The following FHIT variants were observed in gnomAD, a reference collection of about 807,000 sequenced individuals.
FHIT encodes the protein fragile histidine triad diadenosine triphosphatase.
A neutral mutation model predicts 17.9 loss-of-function variants in FHIT; 19 were observed. That is an observed-to-expected ratio of 1.06 (90% CI 0.74 to 1.56). The LOEUF is 1.56. FHIT is among the 40% of genes most tolerant of loss of function. FHIT has a pLI of 0.00. For synonymous variants in FHIT, 81 were observed against 69.7 expected (o/e 1.16, Z -0.81); for missense variants, 248 against 189.2 (o/e 1.31, Z -1.82).
intron 4 of FHIT, among the ~76,000 whole-genome samples, chr3:60,598,078 A>G (rs528295375): frequency 6.6e-6 from 1 of 152,262 alleles, no homozygotes; most frequent in South Asian, 2.1e-4. Context: ...AAGGTCTGGA[A>G]AGATGTATCA....
chr3:59,984,925 G>C (rs1708824782), intron 7 of FHIT, among the ~76,000 whole-genome samples: 1 of 151,958 alleles, frequency 6.6e-6, no homozygotes, highest in Non-Finnish European at 1.5e-5. Flanking sequence ...CAGCAGTATT[G>C]GGCTTCACCA....
chr3:60,257,951 A>C (rs1441757304), intron 5 of FHIT, among the ~76,000 whole-genome samples: 1 of 152,026 alleles, frequency 6.6e-6, no homozygotes, highest in Non-Finnish European at 1.5e-5. Context: ...TGCTGGGCTT[A>C]ATACCTGGGT....
intron 3 of FHIT, among the ~76,000 whole-genome samples, chr3:60,841,624 C>T (rs1407417070): frequency 6.6e-6 from 1 of 152,140 alleles, no homozygotes; most frequent in Admixed American, 6.5e-5. Context: ...GCTGGGCCAC[C>T]TCTGGCCTCT....
chr3:59,857,163 G>A (rs1405438192), intron 8 of FHIT, among the ~76,000 whole-genome samples: 1 of 152,142 alleles, frequency 6.6e-6, no homozygotes, highest in Non-Finnish European at 1.5e-5. Context: ...ACCTTTTCAG[G>A]GGAAGCAGTT....
rs148570786 is a variant in FHIT, at chr3:60,110,740, A to G, written c.104-96588T>C. 3.9e-3 allele frequency among the ~76,000 whole-genome samples: 587 copies of G among 152,352 alleles called. 2 individuals are homozygous for G. Among genetic ancestry groups the G allele is most frequent in the Admixed American group, 8.1e-3 (124 of 15,310 alleles). ...TTCAGTTATTCATTGATTTAATTCA[A>G]TTACCATTAAGGTTGAGACCTGGTC... On this transcript the variant is annotated intron_variant, in intron 5 of 9. Transcript: ENST00000492590.
In FHIT at chr3:60,761,843, A is replaced by T. The variant is rs184737078; in HGVS notation, c.-18+60076T>A. Among the ~76,000 whole-genome samples the T allele has an allele frequency of 4.8e-4, 58 of 122,016 alleles. 1 individual carries two copies. In the East Asian group the frequency reaches 0.012, roughly 25 times the overall value. 80.0% of individuals were successfully genotyped at this position (122,016 alleles called of 152,430 possible). Reference sequence around the variant, plus strand: ...TTACCAATGCCCGCCCCCTCCCCTCACACCTCATCCTTATTTTCATTTTTT... The same window carrying T: ...TTACCAATGCCCGCCCCCTCCCCTCTCACCTCATCCTTATTTTCATTTTTT... On this transcript the variant is annotated intron_variant, in intron 4 of 9. Coordinates refer to ENST00000492590, the MANE Select transcript of FHIT (RefSeq NM_002012.4).
At chr3:60,861,191 A>ATATCATATATG (rs1553752305) in intron 3 of FHIT, among the ~76,000 whole-genome samples, 47 of 4,690 alleles carry the variant, frequency 0.01, 16 homozygotes, top group Admixed American at 0.062. Flanking sequence ...TATATGATAT[A>ATATCATATATG]TATCATATAT....
chr3:60,327,785 A>G (rs1411014732), intron 5 of FHIT, among the ~76,000 whole-genome samples: 2 of 152,190 alleles, frequency 1.3e-5, no homozygotes, highest in African/African-American at 4.8e-5. Flanking sequence ...TAAATGACCT[A>G]TATTAGGGTC....
At chr3:59,836,344 C>T (rs996394057) in intron 8 of FHIT, among the ~76,000 whole-genome samples, 4 of 152,248 alleles carry the variant, frequency 2.6e-5, no homozygotes, top group East Asian at 1.9e-4. Context: ...TCCCTTCAAA[C>T]GCTGAGAGCT....
chr3:60,336,311 C>T (rs1334834793), intron 5 of FHIT, among the ~76,000 whole-genome samples: 1 of 152,156 alleles, frequency 6.6e-6, no homozygotes, highest in Admixed American at 6.5e-5. Context: ...AAACCCTGAC[C>T]AAAAGGAAGT....
intron 3 of FHIT, among the ~76,000 whole-genome samples, chr3:60,853,349 T>C (rs1222903768): frequency 6.6e-6 from 1 of 152,148 alleles, no homozygotes; most frequent in African/African-American, 2.4e-5. Context: ...GCTTTTTAAA[T>C]AGACTTTTCA....
At chr3:60,083,440 T>C (rs1232410857) in intron 5 of FHIT, among the ~76,000 whole-genome samples, 2 of 152,138 alleles carry the variant, frequency 1.3e-5, no homozygotes, top group African/African-American at 4.8e-5. Context: ...CTACTCGGGC[T>C]CCTTTTTGGT....
chr3:60,591,161 C>T (rs547604533), intron 4 of FHIT, among the ~76,000 whole-genome samples: 1 of 152,040 alleles, frequency 6.6e-6, no homozygotes, highest in Non-Finnish European at 1.5e-5. Flanking sequence ...CATAGCACCC[C>T]ACAAACTAAA....
intron 5 of FHIT, among the ~76,000 whole-genome samples, chr3:60,140,574 T>C (rs1576187358): frequency 9.0e-6 from 1 of 111,566 alleles, no homozygotes; most frequent in Admixed American, 9.9e-5. Flanking sequence ...ACACAGACTC[T>C]ATTTTTTTTT....
At chr3:60,416,310 G>C (rs1235788006) in intron 5 of FHIT, among the ~76,000 whole-genome samples, 1 of 152,114 alleles carries the variant, frequency 6.6e-6, no homozygotes, top group Non-Finnish European at 1.5e-5. Flanking sequence ...AAGGGCATTT[G>C]ACAGTTTGTT....
intron 1 of FHIT, among the ~76,000 whole-genome samples, chr3:61,249,098 C>T (rs979031281): frequency 6.6e-5 from 10 of 152,130 alleles, no homozygotes; most frequent in Non-Finnish European, 1.5e-4. Context: ...AACAATTGGT[C>T]CTGGTCTGTG....
intron 8 of FHIT, among the ~76,000 whole-genome samples, chr3:59,760,425 A>G (rs887256426): frequency 4.6e-5 from 7 of 152,328 alleles, no homozygotes; most frequent in Admixed American, 1.3e-4. Context: ...AGACTTTGCT[A>G]GCATCATAAT....
At chr3:60,076,151 T>C (rs930128383) in intron 5 of FHIT, among the ~76,000 whole-genome samples, 1 of 152,108 alleles carries the variant, frequency 6.6e-6, no homozygotes, top group African/African-American at 2.4e-5. Flanking sequence ...ATACAATTAC[T>C]ACTGGAAATG....
intron 4 of FHIT, among the ~76,000 whole-genome samples, chr3:60,574,899 C>A (rs1237930101): frequency 1.3e-5 from 2 of 151,080 alleles, no homozygotes; most frequent in Non-Finnish European, 3.0e-5. Context: ...TTTATCATAG[C>A]CCTTTGCACA....
Sources: allele counts gnomAD v4.1 joint callset (sites outside exome capture counted in the v4.1 genomes callset), GRCh38; gene constraint gnomAD v4.1.1; transcripts MANE v1.5; gene names NCBI Gene and HGNC (gene_info 2026-07-23, HGNC 2026-07-21).